ASMT: variants seen among roughly 807,000 people sequenced by gnomAD.
ASMT encodes the protein acetylserotonin O-methyltransferase, also known as acetylserotonin N-methyltransferase.
ASMT carries 53 observed loss-of-function variants against 41.3 expected under a neutral mutation model. The observed-to-expected ratio is 1.28, with a 90% CI of 1.03 to 1.61. ASMT has a LOEUF of 1.61. Among genes scored for constraint, ASMT ranks in the 40% most tolerant of loss-of-function variants. The pLI is 0.00. For missense variants in ASMT, 531 were observed against 441.3 expected (o/e 1.20, Z -1.82); for synonymous variants, 231 against 184.8 (o/e 1.25, Z -2.03).
At chrX:1,627,635 AAATGAAATGAAATG>A (rs1934603206) in intron 3 of ASMT, 54 bp from the exon 4 acceptor site, 1 of 392,718 alleles carries the variant, frequency 2.5e-6, no homozygotes, top group African/African-American at 2.6e-4. Context: ...AAATGAAACG[AAATGAAATGAAATG>A]AAATGAAATG....
chrX:1,636,547 C>A lies in ASMT; in HGVS notation c.897C>A (p.His299Gln), dbSNP rs773079029. 2 of 1,612,136 alleles carry A rather than the reference C, an allele frequency of 1.2e-6. No individual in the cohort carries two copies. Among genetic ancestry groups the A allele is most frequent in the Non-Finnish European group, 1.7e-6 (2 of 1,179,548 alleles). The change falls in exon 8 of 9, where the codon CAC (histidine) becomes CAA (glutamine). Residue 299 changes from histidine to glutamine, a missense_variant. Coordinates refer to ENST00000381241, the MANE Select transcript of ASMT (RefSeq NM_001171038.2). Reference sequence around the variant, plus strand: ...CACACCTGCTGGAGAGGATCTACCACACTTGCAAGCCAGGTAAGTTGTGGG... The same window carrying A: ...CACACCTGCTGGAGAGGATCTACCAAACTTGCAAGCCAGGTAAGTTGTGGG... ...KCSHLLERIY[H>Q]TCKPGGGILV...
intron 1 of ASMT, among the ~76,000 whole-genome samples, chrX:1,621,028 G>A (rs1257944425): frequency 1.3e-5 from 2 of 152,046 alleles, no homozygotes; most frequent in South Asian, 2.1e-4. Context: ...CGCGGGAGGC[G>A]TAGGTTGCCG....
At chrX:1,616,904 T>G (rs1324529708) in intron 1 of ASMT, among the ~76,000 whole-genome samples, 1 of 151,412 alleles carries the variant, frequency 6.6e-6, no homozygotes. Context: ...GAGACGGGGT[T>G]TCACCGTGTT....
In ASMT at chrX:1,631,662, C is replaced by A. The variant is rs145706585; in HGVS notation, c.563-1042C>A. Among the ~76,000 whole-genome samples the A allele has an allele frequency of 8.0e-3, 1,221 of 152,192 alleles. 27 individuals carry two copies. The highest frequency in any genetic ancestry group is 0.066 in the East Asian group (340 of 5,158). Reference sequence around the variant, plus strand: ...GGGCGCGGTGGCTCACTCCTGTAATCCCAGCACTTTGGGAGGCCGAGGCGG... The same window carrying A: ...GGGCGCGGTGGCTCACTCCTGTAATACCAGCACTTTGGGAGGCCGAGGCGG... On this transcript the variant is annotated intron_variant, in intron 5 of 8. Coordinates refer to ENST00000381241, the MANE Select transcript of ASMT (RefSeq NM_001171038.2).
At chrX:1,636,708 A>T in intron 8 of ASMT, 148 bp downstream of exon 8, 2 of 1,210,896 alleles carry the variant, frequency 1.7e-6, no homozygotes, top group South Asian at 2.4e-5. Context: ...TAACGACCTG[A>T]AATAAATAGG....
At position 1,633,168 on chromosome X, in the gene ASMT, C is replaced by G. The variant is rs773417677; in HGVS notation, c.665C>G (p.Ala222Gly). ...CTTCCAGGTGGGGCTGGAGCTCTGG[C>G]TAAGGAATGCATGTCTCTGTACCCT... ...FSLIGGAGAL[A>G]KECMSLYPGC... The change falls in exon 7 of 9, where the codon GCT becomes GGT. Residue 222 changes from alanine (A) to glycine (G), a missense_variant. By Grantham distance (60) the Ala-to-Gly change is moderately conservative. Transcript: ENST00000381241. 1 of 1,613,850 alleles carries G rather than the reference C, an allele frequency of 6.2e-7. No homozygotes were observed. Among genetic ancestry groups the G allele is most frequent in the South Asian group, 1.1e-5 (1 of 91,070 alleles).
At chrX:1,615,771 C>T (rs1934069468) in intron 1 of ASMT, among the ~76,000 whole-genome samples, 1 of 151,438 alleles carries the variant, frequency 6.6e-6, no homozygotes, top group African/African-American at 2.4e-5. Flanking sequence ...CACTGCACTC[C>T]CGCCTGGGGG....
intron 7 of ASMT, among the ~76,000 whole-genome samples, chrX:1,635,595 C>T (rs1281291379): frequency 6.6e-6 from 1 of 152,070 alleles, no homozygotes; most frequent in Non-Finnish European, 1.5e-5. Context: ...GGCACAGCAG[C>T]TCATGCCTGT....
intron 3 of ASMT, among the ~76,000 whole-genome samples, chrX:1,625,954 CA>C (rs1310481163): frequency 0.033 from 3,298 of 99,144 alleles, 99 homozygotes; most frequent in African/African-American, 0.1. Context: ...GACTCCATCT[CA>C]AAAAAAAAAA....
chrX:1,616,304 C>G (rs1427229555), intron 1 of ASMT, among the ~76,000 whole-genome samples: 2 of 151,494 alleles, frequency 1.3e-5, no homozygotes, highest in Non-Finnish European at 3.0e-5. Flanking sequence ...CTCATTTCTT[C>G]TTCTCACAGA....
intron 8 of ASMT, among the ~76,000 whole-genome samples, chrX:1,642,011 C>T (rs1299878441): frequency 6.8e-6 from 1 of 146,784 alleles, no homozygotes; most frequent in Non-Finnish European, 1.5e-5. Flanking sequence ...GGCACAGCCT[C>T]TGTGTGTAAT....
intron 7 of ASMT, among the ~76,000 whole-genome samples, chrX:1,636,051 G>A (rs1262899354): frequency 6.7e-6 from 1 of 150,026 alleles, no homozygotes; most frequent in Non-Finnish European, 1.5e-5. Flanking sequence ...CGCCTCCCGG[G>A]TTCATGCCAT....
intron 1 of ASMT, among the ~76,000 whole-genome samples, chrX:1,621,854 C>G (rs1376997469): frequency 1.3e-5 from 2 of 151,418 alleles, no homozygotes; most frequent in Non-Finnish European, 2.9e-5. Context: ...CACCACCACA[C>G]CAGGCTAATT....
intron 1 of ASMT, among the ~76,000 whole-genome samples, chrX:1,617,845 C>A (rs1185737244): frequency 2.0e-5 from 3 of 151,992 alleles, no homozygotes; most frequent in African/African-American, 7.2e-5. Context: ...GAACTCCCAA[C>A]CTCAGGTGAT....
At position 1,627,705 on chromosome X, in the gene ASMT, A is replaced by G; in HGVS notation, c.377A>G (p.Glu126Gly). The change falls in exon 4 of 9, where the codon GAA (glutamate) becomes GGA (glycine). Residue 126 changes from glutamate (E) to glycine (G), a missense_variant and splice_region_variant. By Grantham distance (98) the Glu-to-Gly change is moderately conservative. Coordinates refer to ENST00000381241, the MANE Select transcript of ASMT (RefSeq NM_001171038.2). ...CAGCCTTCTCTCTCTTTTCTTAGAG[A>G]AGGAAGGAACCAGTACCTGGAGACG... ...CWGHLADAVR[E>G]GRNQYLETFG... 6.2e-7 allele frequency: 1 copy of G among 1,613,510 alleles called. No homozygotes were observed. The highest frequency in any genetic ancestry group is 8.5e-7 in the Non-Finnish European group (1 of 1,179,480).
In ASMT at chrX:1,615,254, T is replaced by G. The variant is rs1451969546; in HGVS notation, c.55T>G (p.Phe19Val). ...YRLLNDYANG[F>V]MVSQVLFAAC... ...CCTCCTTAATGACTACGCCAACGGC[T>G]TCATGGTGTCCCAGGTAGGATACGC... The change falls in exon 1 of 9, where the codon TTC becomes GTC. Residue 19 changes from phenylalanine (F) to valine (V), a missense_variant. By Grantham distance (50) the Phe-to-Val change is conservative (BLOSUM62 -1). Coordinates refer to ENST00000381241, the MANE Select transcript of ASMT (RefSeq NM_001171038.2). 6 of 1,594,474 alleles carry G rather than the reference T, an allele frequency of 3.8e-6. No homozygotes were observed. In the Admixed American group the frequency reaches 8.8e-5, roughly 23 times the overall value.
chrX:1,642,663 G>GTA, intron 8 of ASMT, 140 bp from the exon 9 acceptor site: 1 of 765,910 alleles, frequency 1.3e-6, no homozygotes. Context: ...ATGAGGACGT[G>GTA]GGCACAGCCT....
intron 1 of ASMT, among the ~76,000 whole-genome samples, chrX:1,615,842 C>G (rs1934075747): frequency 6.6e-6 from 1 of 151,688 alleles, no homozygotes; most frequent in South Asian, 2.1e-4. Flanking sequence ...AGAAACAAAG[C>G]TTAAGATGAA....
chrX:1,636,239 G>C (rs746363877), intron 7 of ASMT, 199 bp from the exon 8 acceptor site: 10 of 771,428 alleles, frequency 1.3e-5, no homozygotes, highest in Middle Eastern at 3.5e-4. Context: ...TTACAGGCGT[G>C]AGCCACCGCG....
Sources: gnomAD v4.1 joint callset for allele counts (sites outside exome capture counted in the v4.1 genomes callset) on GRCh38, gnomAD v4.1.1 for gene constraint, MANE v1.5 for transcripts, NCBI Gene and HGNC (gene_info 2026-07-23, HGNC 2026-07-21) for gene names.